Variants in GPC5 observed in about 807,000 individuals in gnomAD.
GPC5 encodes glypican-5.
In GPC5, 47 loss-of-function variants were observed where a neutral mutation model predicts 53.9. The observed-to-expected ratio is 0.87, with a 90% CI of 0.69 to 1.11. The LOEUF (loss-of-function observed/expected upper bound fraction) is 1.11. Among genes scored for constraint, GPC5 ranks in the 50% most tolerant of loss-of-function variants. The pLI is 0.00. For missense variants in GPC5, 748 were observed against 713.1 expected (o/e 1.05, Z -0.56); for synonymous variants, 286 against 263.3 (o/e 1.09, Z -0.84).
At chr13:92,133,842 A>C (rs893099469) in intron 6 of GPC5, among the ~76,000 whole-genome samples, 1 of 152,200 alleles carries the variant, frequency 6.6e-6, no homozygotes, top group Non-Finnish European at 1.5e-5. Context: ...CCCGCAGTCC[A>C]TGTAGAAAAT....
At position 92,534,329 on chromosome 13, in the gene GPC5, A is replaced by T. The variant is rs954111479; in HGVS notation, c.1562-331953A>T. Reference sequence around the variant, plus strand: ...GTTCCTTAAAATATAGTTGTGTCCTATACAACTTTTTTCCTTTCTCAAGGC... The same window carrying T: ...GTTCCTTAAAATATAGTTGTGTCCTTTACAACTTTTTTCCTTTCTCAAGGC... On this transcript the variant is annotated intron_variant, in intron 7 of 7. Coordinates refer to ENST00000377067, the MANE Select transcript of GPC5 (RefSeq NM_004466.6). 7.9e-5 allele frequency among the ~76,000 whole-genome samples: 12 copies of T among 152,270 alleles called. No homozygotes were observed. The South Asian group carries it at 8.3e-4, about 11-fold the overall frequency.
At chr13:91,578,380 C>A (rs1444016162) in intron 2 of GPC5, among the ~76,000 whole-genome samples, 1 of 152,178 alleles carries the variant, frequency 6.6e-6, no homozygotes, top group Non-Finnish European at 1.5e-5. Flanking sequence ...TCTTATGCAG[C>A]ACTAGGTTAG....
chr13:92,150,572 A>T (rs1310218773), intron 7 of GPC5, among the ~76,000 whole-genome samples: 1 of 152,026 alleles, frequency 6.6e-6, no homozygotes, highest in Non-Finnish European at 1.5e-5. Flanking sequence ...GAATCATATA[A>T]AATCATCTTT....
intron 5 of GPC5, among the ~76,000 whole-genome samples, chr13:91,827,455 C>T (rs1259378393): frequency 6.6e-6 from 1 of 151,618 alleles, no homozygotes; most frequent in Non-Finnish European, 1.5e-5. Flanking sequence ...ATATAAAGAG[C>T]TCCTACAATT....
intron 5 of GPC5, among the ~76,000 whole-genome samples, chr13:91,788,116 T>C (rs1213766965): frequency 2.0e-5 from 3 of 152,248 alleles, no homozygotes; most frequent in African/African-American, 7.2e-5. Context: ...CTGGGTGACT[T>C]AAAACAACAA....
At chr13:92,336,417 A>G (rs1204513050) in intron 7 of GPC5, among the ~76,000 whole-genome samples, 8 of 152,180 alleles carry the variant, frequency 5.3e-5, no homozygotes, top group Non-Finnish European at 1.2e-4. Context: ...GAGGCCAAAA[A>G]TATGCATGGT....
chr13:91,851,507 T>A (rs1246674071), intron 5 of GPC5, among the ~76,000 whole-genome samples: 2 of 151,830 alleles, frequency 1.3e-5, no homozygotes, highest in South Asian at 2.1e-4. Flanking sequence ...TTCTTTTTTT[T>A]TTATTATTAT....
At chr13:92,474,230 C>T (rs1351123817) in intron 7 of GPC5, among the ~76,000 whole-genome samples, 1 of 151,662 alleles carries the variant, frequency 6.6e-6, no homozygotes, top group African/African-American at 2.4e-5. Context: ...CCCATTGCAC[C>T]ATTTATATTG....
chr13:91,996,037 T>G (rs2040500833), intron 6 of GPC5: 1 of 152,244 alleles, frequency 6.6e-6, no homozygotes, highest in Non-Finnish European at 1.5e-5. Flanking sequence ...GAAGCCTTTT[T>G]AATCCCAAAT....
rs551125175 is a variant in GPC5, at chr13:91,681,495, G to A, written c.326-11692G>A. ...CATCATTCCTAGTGGAATTTATGCA[G>A]CATCACCAGCAGTATTCCCTATAAC... On this transcript the variant is annotated intron_variant, in intron 2 of 7. Transcript: ENST00000377067. Among the ~76,000 whole-genome samples, 11 of 152,286 alleles carry A rather than the reference G, an allele frequency of 7.2e-5. No homozygotes were observed. The South Asian group carries it at 1.7e-3, about 23-fold the overall frequency.
chr13:92,639,340 T>C (rs190391021), intron 7 of GPC5, among the ~76,000 whole-genome samples: 1 of 152,336 alleles, frequency 6.6e-6, no homozygotes, highest in Admixed American at 6.5e-5. Flanking sequence ...AAATCTTCCT[T>C]TGTTCCATTC....
chr13:92,542,877 T>C (rs767328716), intron 7 of GPC5, among the ~76,000 whole-genome samples: 4 of 152,072 alleles, frequency 2.6e-5, no homozygotes, highest in African/African-American at 7.2e-5. Flanking sequence ...TTCCCTTATA[T>C]GTGACTTGAT....
intron 5 of GPC5, among the ~76,000 whole-genome samples, chr13:91,806,712 A>G (rs1311478172): frequency 6.6e-6 from 1 of 152,208 alleles, no homozygotes; most frequent in African/African-American, 2.4e-5. Context: ...GAGCACAAAA[A>G]CATTCAATAG....
At chr13:92,075,005 G>A (rs1313412248) in intron 6 of GPC5, among the ~76,000 whole-genome samples, 7 of 151,952 alleles carry the variant, frequency 4.6e-5, no homozygotes, top group Non-Finnish European at 8.8e-5. Flanking sequence ...ACTTATTTGC[G>A]TTTAGTCCAG....
At chr13:92,734,157 T>A (rs879944409) in intron 7 of GPC5, among the ~76,000 whole-genome samples, 1 of 151,856 alleles carries the variant, frequency 6.6e-6, no homozygotes, top group Non-Finnish European at 1.5e-5. Context: ...ATTGCTTATC[T>A]TCTCTGATTC....
At chr13:91,812,621 T>A (rs1324802308) in intron 5 of GPC5, among the ~76,000 whole-genome samples, 1 of 152,196 alleles carries the variant, frequency 6.6e-6, no homozygotes, top group Non-Finnish European at 1.5e-5. Context: ...ATTTTTCTAG[T>A]ACATATTCAT....
intron 4 of GPC5, among the ~76,000 whole-genome samples, chr13:91,748,114 G>A (rs2037091655): frequency 6.6e-6 from 1 of 152,178 alleles, no homozygotes; most frequent in Middle Eastern, 3.2e-3. Flanking sequence ...TAGGACAGGA[G>A]CTGTTTGAAC....
intron 1 of GPC5, among the ~76,000 whole-genome samples, chr13:91,445,294 C>T (rs190647138): frequency 4.3e-4 from 65 of 152,228 alleles, no homozygotes; most frequent in South Asian, 8.3e-4. Flanking sequence ...ACTGCCATAC[C>T]AGGACAGTGT....
chr13:92,322,169 G>T (rs1486421771), intron 7 of GPC5, among the ~76,000 whole-genome samples: 1 of 151,832 alleles, frequency 6.6e-6, no homozygotes, highest in Non-Finnish European at 1.5e-5. Flanking sequence ...GGCATACAAA[G>T]GTTAAATAAC....
Sources: gnomAD v4.1 joint callset for allele counts (sites outside exome capture counted in the v4.1 genomes callset) on GRCh38, gnomAD v4.1.1 for gene constraint, MANE v1.5 for transcripts, NCBI Gene and HGNC (gene_info 2026-07-23, HGNC 2026-07-21) for gene names.